The following DYNC2I1 variants were observed in gnomAD, a reference collection of about 807,000 sequenced individuals.
The protein encoded by DYNC2I1 is dynein 2 intermediate chain 1, also known as cytoplasmic dynein 2 intermediate chain 1.
A neutral mutation model predicts 133.4 loss-of-function variants in DYNC2I1; 89 were observed. The observed-to-expected ratio is 0.67, with a 90% CI of 0.56 to 0.80. DYNC2I1 has a LOEUF of 0.80. Among genes scored for constraint, DYNC2I1 ranks in the 30% least tolerant of loss-of-function variants. The pLI is 0.00. For missense variants in DYNC2I1, 1,291 were observed against 1,314.5 expected (o/e 0.98, Z 0.28); for synonymous variants, 504 against 484.3 (o/e 1.04, Z -0.54).
At chr7:158,908,335 A>G (rs185757646) in intron 11 of DYNC2I1, among the ~76,000 whole-genome samples, 1 of 152,284 alleles carries the variant, frequency 6.6e-6, no homozygotes, top group African/African-American at 2.4e-5. Flanking sequence ...CAGTGATAAG[A>G]AAGGACTTTC....
the DYNC2I1 span, among the ~76,000 whole-genome samples, chr7:158,851,453 C>T: frequency 4.7e-5 from 7 of 147,370 alleles, no homozygotes; most frequent in Non-Finnish European, 7.4e-5. Context: ...ACCTAGGAGG[C>T]GGAGGTTGCA....
At chr7:158,860,579 C>T (rs1479002349) in intron 1 of DYNC2I1, among the ~76,000 whole-genome samples, 1 of 152,156 alleles carries the variant, frequency 6.6e-6, no homozygotes, top group Non-Finnish European at 1.5e-5. Context: ...TTAATATTAG[C>T]TCTTTCAAAA....
rs747539531 is a variant in DYNC2I1 at position 158,941,935 on chromosome 7, C to T, written c.2789C>T (p.Ser930Leu). ...FGEPIFLAGCSDGSIRLHQLS... is the reference protein window; with the variant it reads ...FGEPIFLAGCLDGSIRLHQLS... ...TCTTCCTGGTCATAGGCCGGCTGTT[C>T]GGACGGAAGCATCAGGCTGCACCAG... The change falls in exon 24 of 25, where the codon TCG (serine) becomes TTG (leucine). Residue 930 changes from serine (S) to leucine (L), a missense_variant. By Grantham distance (145) the Ser-to-Leu change is moderately radical. Coordinates refer to ENST00000407559, the MANE Select transcript of DYNC2I1 (RefSeq NM_018051.5). 10 of 1,603,888 alleles carry T rather than the reference C, an allele frequency of 6.2e-6. No homozygotes were observed. The highest frequency in any genetic ancestry group is 4.5e-5 in the South Asian group (4 of 89,624).
intron 4 of DYNC2I1, among the ~76,000 whole-genome samples, chr7:158,878,068 G>A (rs1843538975): frequency 6.6e-6 from 1 of 151,066 alleles, no homozygotes; most frequent in African/African-American, 2.4e-5. Context: ...CAGGTGCCAT[G>A]TGGAGAGGCC....
At position 158,869,838 on chromosome 7, in the gene DYNC2I1, T is replaced by C. The variant is rs1842723099; in HGVS notation, c.16-17T>C. The C allele has an allele frequency of 6.6e-7, 1 of 1,511,348 alleles. No individual in the cohort carries two copies. Among genetic ancestry groups the C allele is most frequent in the Non-Finnish European group, 9.1e-7 (1 of 1,100,910 alleles). 93.6% of individuals were successfully genotyped at this position (1,511,348 alleles called of 1,614,324 possible). On this transcript the variant is annotated splice_polypyrimidine_tract_variant and intron_variant, in intron 1 of 24. Transcript: ENST00000407559. ...TAAATTATTTTAAACATTCTAACTT[T>C]ATACTTTTCTATTTAGAGAAGAACC...
chr7:158,944,622 C>T (rs561795154), intron 24 of DYNC2I1, among the ~76,000 whole-genome samples: 7 of 152,350 alleles, frequency 4.6e-5, no homozygotes, highest in African/African-American at 1.7e-4. Flanking sequence ...TGCCGCCCCA[C>T]GTCCTGTGGA....
intron 11 of DYNC2I1, among the ~76,000 whole-genome samples, chr7:158,909,056 C>T (rs141520203): frequency 2.4e-4 from 36 of 152,186 alleles, no homozygotes; most frequent in African/African-American, 8.4e-4. Flanking sequence ...TTAGGCCAGG[C>T]ATAGTGGCTC....
the DYNC2I1 span, among the ~76,000 whole-genome samples, chr7:158,842,214 A>T: frequency 1.3e-5 from 2 of 152,124 alleles, no homozygotes; most frequent in Non-Finnish European, 1.5e-5. Flanking sequence ...TTTTTAGTAG[A>T]GATGGGGTTT....
At chr7:158,917,745 T>A (rs1848618191) in intron 14 of DYNC2I1, among the ~76,000 whole-genome samples, 1 of 148,074 alleles carries the variant, frequency 6.8e-6, no homozygotes, top group East Asian at 2.1e-4. Flanking sequence ...CACTAAACAC[T>A]CCTTTTCTTG....
chr7:158,893,443 T>C (rs1298110233), intron 8 of DYNC2I1, among the ~76,000 whole-genome samples: 1 of 152,202 alleles, frequency 6.6e-6, no homozygotes, highest in Non-Finnish European at 1.5e-5. Flanking sequence ...ACCTTAAATG[T>C]GCTCCAAACA....
rs1356788208 is a variant in DYNC2I1 at position 158,913,042 on chromosome 7, G to A, written c.1648G>A (p.Glu550Lys). The change falls in exon 13 of 25, where the codon GAG becomes AAG. Residue 550 changes from glutamate (E) to lysine (K), a missense_variant. Coordinates refer to ENST00000407559, the MANE Select transcript of DYNC2I1 (RefSeq NM_018051.5). Reference sequence around the variant, plus strand: ...AAGAGACATTCAAACGGAGGAAATAGAGACCAGGGAAGTGTGGACCCAGCA... The same window carrying A: ...AAGAGACATTCAAACGGAGGAAATAAAGACCAGGGAAGTGTGGACCCAGCA... ...VERDIQTEEIETREVWTQHPG... is the reference protein window; with the variant it reads ...VERDIQTEEIKTREVWTQHPG... 5 of 1,613,634 alleles carry A rather than the reference G, an allele frequency of 3.1e-6. No homozygotes were observed. Among genetic ancestry groups the A allele is most frequent in the Non-Finnish European group, 4.2e-6 (5 of 1,179,698 alleles).
At chr7:158,940,103 A>C (rs1218114447) in intron 23 of DYNC2I1, among the ~76,000 whole-genome samples, 1 of 152,200 alleles carries the variant, frequency 6.6e-6, no homozygotes, top group African/African-American at 2.4e-5. Context: ...GAAAGTCAAC[A>C]AAGAAGCATC....
intron 11 of DYNC2I1, 101 bp downstream of exon 11, chr7:158,906,192 C>T: frequency 9.7e-7 from 1 of 1,027,150 alleles, no homozygotes; most frequent in South Asian, 1.5e-5. Context: ...ATTTTTACTA[C>T]TGTTTTTTGG....
intron 10 of DYNC2I1, 79 bp downstream of exon 10, chr7:158,902,674 C>A: frequency 1.6e-6 from 2 of 1,285,700 alleles, no homozygotes; most frequent in Non-Finnish European, 1.1e-6. Context: ...CTGTCACACA[C>A]AGGCCTACTC....
Position 158,918,738 on chromosome 7 carries a change from A to G in DYNC2I1, c.1792-2A>G. ...TAAAGACTACTCACTTATGTCTGAC[A>G]GGTGATGGCCGTTTTGCTGGAAGAG... On this transcript the variant is annotated splice_acceptor_variant, in intron 14 of 24. Transcript: ENST00000407559. LOFTEE classifies it high-confidence loss of function. The G allele has an allele frequency of 6.2e-7, 1 of 1,613,694 alleles. No homozygotes were observed. Among genetic ancestry groups the G allele is most frequent in the Non-Finnish European group, 8.5e-7 (1 of 1,179,714 alleles).
chr7:158,883,675 T>A (rs1477356500), intron 5 of DYNC2I1, among the ~76,000 whole-genome samples: 2 of 145,290 alleles, frequency 1.4e-5, no homozygotes, highest in African/African-American at 5.1e-5. Context: ...TTTTTTTTTT[T>A]TTTTTTGAGA....
intron 23 of DYNC2I1, among the ~76,000 whole-genome samples, chr7:158,936,715 C>T (rs568338602): frequency 6.6e-6 from 1 of 152,308 alleles, no homozygotes; most frequent in South Asian, 2.1e-4. Context: ...GCACCATGCT[C>T]CAGGAGGTTT....
Position 158,923,696 on chromosome 7 carries a change from T to C in DYNC2I1, c.2220T>C (p.Asp740=). 1 of 1,613,972 alleles carries C rather than the reference T, an allele frequency of 6.2e-7. No individual in the cohort carries two copies. Among genetic ancestry groups the C allele is most frequent in the Non-Finnish European group, 8.5e-7 (1 of 1,179,852 alleles). Reference sequence around the variant, plus strand: ...TGCATTACTCTGTGACGCTGAGCGATGGCTTCTGGACGTTCCGGACCGCCA... The same window carrying C: ...TGCATTACTCTGTGACGCTGAGCGACGGCTTCTGGACGTTCCGGACCGCCA... ...SRLHYSVTLS[D]GFWTFRTATF... is the part of the protein sequence containing the mutation. Residue 740 remains aspartate, a synonymous_variant, in exon 17 of 25, where the codon GAT becomes GAC. Transcript: ENST00000407559.
At position 158,926,281 on chromosome 7, in the gene DYNC2I1, A is replaced by G; in HGVS notation, c.2352A>G (p.Ser784=). 1.9e-6 allele frequency: 3 copies of G among 1,612,068 alleles called. No homozygotes were observed. Among genetic ancestry groups the G allele is most frequent in the Non-Finnish European group, 2.5e-6 (3 of 1,179,092 alleles). ...ACAAAAAGCAGAGCTTTGTGCTTTCACCCTTTTCTACTCAAGAAGGTACGT... is the reference window on the plus strand; with the variant it reads ...ACAAAAAGCAGAGCTTTGTGCTTTCGCCCTTTTCTACTCAAGAAGGTACGT... ...SVHKKQSFVL[S]PFSTQEEMSG... is the part of the protein sequence containing the mutation. Residue 784 remains serine, a synonymous_variant, in exon 18 of 25, where the codon TCA becomes TCG. Transcript: ENST00000407559.
Sources: gnomAD v4.1 joint callset for allele counts (sites outside exome capture counted in the v4.1 genomes callset) on GRCh38, gnomAD v4.1.1 for gene constraint, MANE v1.5 for transcripts, NCBI Gene and HGNC (gene_info 2026-07-23, HGNC 2026-07-21) for gene names.